The following RALGAPA1 variants were observed in gnomAD, a reference collection of about 807,000 sequenced individuals.
RALGAPA1 encodes the protein Ral GTPase activating protein catalytic subunit alpha 1.
A neutral mutation model predicts 269.6 loss-of-function variants in RALGAPA1; 52 were observed. That is an observed-to-expected ratio of 0.19 (90% CI 0.15 to 0.24). The LOEUF is 0.24. RALGAPA1 is among the 10% of genes least tolerant of loss of function. The pLI, the probability that RALGAPA1 is intolerant of heterozygous loss-of-function variation, is 1.00. For missense variants in RALGAPA1, 1,917 were observed against 3,013.9 expected, an observed-to-expected ratio of 0.64 and a Z score of 8.52; for synonymous variants, 817 against 1,008.3, an observed-to-expected ratio of 0.81 and a Z score of 3.60.
intron 37 of RALGAPA1, among the ~76,000 whole-genome samples, chr14:35,595,173 A>C (rs894660669): frequency 1.3e-5 from 2 of 151,912 alleles, no homozygotes; most frequent in African/African-American, 4.8e-5. Flanking sequence ...AAATTGGGAC[A>C]AGGAGCTCAA....
chr14:35,612,590 G>A (rs1594809933), intron 35 of RALGAPA1, among the ~76,000 whole-genome samples: 1 of 149,846 alleles, frequency 6.7e-6, no homozygotes, highest in Non-Finnish European at 1.5e-5. Context: ...CCAGGCTGGA[G>A]TGCAGTGGCG....
chr14:35,676,840 TAATTG>T (rs1294185948), intron 22 of RALGAPA1: 1 of 152,222 alleles, frequency 6.6e-6, no homozygotes, highest in Non-Finnish European at 1.5e-5. Context: ...GGCAAAATAT[TAATTG>T]ATGAATTTAT....
chr14:35,680,643 C>T (rs2065351474), intron 21 of RALGAPA1, among the ~76,000 whole-genome samples: 1 of 151,858 alleles, frequency 6.6e-6, no homozygotes, highest in Non-Finnish European at 1.5e-5. Context: ...GAGACAGAGT[C>T]TCGCTTTGTC....
At chr14:35,805,355 T>C (rs185182550) in intron 1 of RALGAPA1, among the ~76,000 whole-genome samples, 111 of 151,446 alleles carry the variant, frequency 7.3e-4, no homozygotes, top group African/African-American at 1.8e-3. Context: ...GGCAGGGGGA[T>C]TGCTTGAACC....
chr14:35,657,866 T>C (rs1205603715), intron 28 of RALGAPA1, among the ~76,000 whole-genome samples: 1 of 152,134 alleles, frequency 6.6e-6, no homozygotes, highest in East Asian at 1.9e-4. Flanking sequence ...GTTCTAGTTT[T>C]CTTTTCTATT....
At chr14:35,694,922 A>T (rs890400622) in intron 17 of RALGAPA1, among the ~76,000 whole-genome samples, 32 of 151,424 alleles carry the variant, frequency 2.1e-4, no homozygotes, top group African/African-American at 7.5e-4. Context: ...ACCAAAAATT[A>T]AAAAAAAATT....
At chr14:35,605,754 C>G in intron 35 of RALGAPA1, 45 bp from the exon 36 acceptor site, 1 of 1,583,950 alleles carries the variant, frequency 6.3e-7, no homozygotes, top group Non-Finnish European at 8.5e-7. Context: ...ACTATTTTAT[C>G]TACTCATTCA....
At chr14:35,770,256 C>G (rs917204580) in intron 4 of RALGAPA1, among the ~76,000 whole-genome samples, 5 of 152,024 alleles carry the variant, frequency 3.3e-5, no homozygotes, top group African/African-American at 1.2e-4. Context: ...AAACTAGAAA[C>G]AGAACTTCTT....
chr14:35,573,393 A>G (rs1330679756), intron 37 of RALGAPA1, among the ~76,000 whole-genome samples: 2 of 152,136 alleles, frequency 1.3e-5, no homozygotes, highest in Non-Finnish European at 2.9e-5. Context: ...ATAAAATTTC[A>G]TTATACTAGT....
At chr14:35,620,953 T>A (rs2060582849) in intron 35 of RALGAPA1, among the ~76,000 whole-genome samples, 1 of 152,134 alleles carries the variant, frequency 6.6e-6, no homozygotes, top group African/African-American at 2.4e-5. Flanking sequence ...AATTTATAGA[T>A]TCAATGCCAT....
intron 8 of RALGAPA1, 39 bp from the exon 9 acceptor site, chr14:35,750,729 A>G: frequency 6.7e-7 from 1 of 1,496,888 alleles, no homozygotes; most frequent in Non-Finnish European, 9.1e-7. Context: ...CAAAATAAGA[A>G]AGAAATTATG....
intron 35 of RALGAPA1, among the ~76,000 whole-genome samples, chr14:35,607,783 G>C (rs889570858): frequency 6.6e-6 from 1 of 152,178 alleles, no homozygotes; most frequent in African/African-American, 2.4e-5. Context: ...AGAGAAGCTG[G>C]CAGCCCTATG....
intron 29 of RALGAPA1, 135 bp downstream of exon 29, chr14:35,655,672 A>G: frequency 7.8e-7 from 1 of 1,282,578 alleles, no homozygotes; most frequent in Non-Finnish European, 1.0e-6. Context: ...GGAATGAGTC[A>G]GGATCAAGAA....
intron 35 of RALGAPA1, among the ~76,000 whole-genome samples, chr14:35,617,188 G>A (rs1228562170): frequency 6.6e-6 from 1 of 152,094 alleles, no homozygotes; most frequent in African/African-American, 2.4e-5. Context: ...CTTCAGGAGT[G>A]GACAGGAGGG....
chr14:35,677,893 C>T, intron 22 of RALGAPA1, 57 bp downstream of exon 22: 1 of 1,504,626 alleles, frequency 6.6e-7, no homozygotes, highest in Non-Finnish European at 9.2e-7. Flanking sequence ...TATTTATGAT[C>T]TCCTGACACT....
At chr14:35,714,391 T>C (rs748708128) in intron 16 of RALGAPA1, among the ~76,000 whole-genome samples, 10 of 152,210 alleles carry the variant, frequency 6.6e-5, no homozygotes, top group Non-Finnish European at 1.2e-4. Flanking sequence ...ATAGCTAGTG[T>C]TTCTGAGCAT....
rs1458811017 is a variant in RALGAPA1, at chr14:35,645,219, T to C, written c.5676+6586A>G. Among the ~76,000 whole-genome samples the C allele has an allele frequency of 2.0e-5, 3 of 152,260 alleles. No homozygotes were observed. The East Asian group carries it at 5.8e-4, about 29-fold the overall frequency. ...GGCACTAATCCCATTGATGAGGGCTTCATCCTCACGACCTAATTACCTCTC... is the reference window on the plus strand; with the variant it reads ...GGCACTAATCCCATTGATGAGGGCTCCATCCTCACGACCTAATTACCTCTC... On this transcript the variant is annotated intron_variant, in intron 31 of 41. Transcript: ENST00000680220.
At chr14:35,751,846 T>C (rs2072737899) in intron 8 of RALGAPA1, among the ~76,000 whole-genome samples, 178 bp downstream of exon 8, 1 of 151,746 alleles carries the variant, frequency 6.6e-6, no homozygotes, top group Non-Finnish European at 1.5e-5. Context: ...CTCATCCTCA[T>C]TGAAAATTTC....
At chr14:35,624,240 T>A (rs2060850552) in intron 35 of RALGAPA1, among the ~76,000 whole-genome samples, 2 of 149,500 alleles carry the variant, frequency 1.3e-5, no homozygotes, top group East Asian at 3.9e-4. Flanking sequence ...GAGTCCAGTG[T>A]TATATAGATT....
Sources: gnomAD v4.1 joint callset for allele counts (sites outside exome capture counted in the v4.1 genomes callset) on GRCh38, gnomAD v4.1.1 for gene constraint, MANE v1.5 for transcripts, NCBI Gene and HGNC (gene_info 2026-07-23, HGNC 2026-07-21) for gene names.